CCDC13: variants seen among roughly 807,000 people sequenced by gnomAD.
CCDC13 encodes the protein coiled-coil domain containing 13.
In CCDC13, 70 loss-of-function variants were observed where a neutral mutation model predicts 87.3. That is an observed-to-expected ratio of 0.80 (90% CI 0.66 to 0.98). CCDC13 has a LOEUF of 0.98. CCDC13 is among the 50% of genes least tolerant of loss of function. The probability of loss-of-function intolerance (pLI) is 0.00; values close to 1 mark genes in which losing one functional copy is unlikely to be tolerated. For missense variants in CCDC13, 842 were observed against 892.0 expected, an observed-to-expected ratio of 0.94 and a Z score of 0.71; for synonymous variants, 317 against 360.3, an observed-to-expected ratio of 0.88 and a Z score of 1.36.
rs759377177 is a variant in CCDC13, at chr3:42,747,296, C to T, written c.681G>A (p.Gln227=). ...GCAGCTCCTGCTTCACAGACTGGAT[C>T]TGGTTTCGGAGGTCACTCATCTTCA... ...TNLKMSDLRN[Q]IQSVKQELRM... Residue 227 remains glutamine (Q), a synonymous_variant, in exon 6 of 16, where the codon CAG becomes CAA. Coordinates refer to ENST00000310232, the MANE Select transcript of CCDC13 (RefSeq NM_144719.4). The T allele has an allele frequency of 1.9e-6, 3 of 1,614,178 alleles. No individual in the cohort carries two copies. Among genetic ancestry groups the T allele is most frequent in the Non-Finnish European group, 2.5e-6 (3 of 1,180,032 alleles).
In CCDC13 at chr3:42,751,927, A is replaced by G; in HGVS notation, c.603+9T>C. On this transcript the variant is annotated intron_variant, in intron 5 of 15. Coordinates refer to ENST00000310232, the MANE Select transcript of CCDC13 (RefSeq NM_144719.4). ...TCACAGACTTCCCAGCACAGAAGAG[A>G]ATTCATACCAATGCTCTGTCTCCCA... is the stretch of plus-strand genomic sequence containing the variant. 1 of 1,610,494 alleles carries G rather than the reference A, an allele frequency of 6.2e-7. No individual in the cohort carries two copies. Among genetic ancestry groups the G allele is most frequent in the Non-Finnish European group, 8.5e-7 (1 of 1,178,640 alleles).
intron 1 of CCDC13, among the ~76,000 whole-genome samples, chr3:42,759,378 C>T (rs1243587330): frequency 6.6e-6 from 1 of 152,096 alleles, no homozygotes; most frequent in Non-Finnish European, 1.5e-5. Context: ...GTGTAAACCA[C>T]CTCCACCATC....
chr3:42,765,556 C>A lies in CCDC13; in HGVS notation c.-6-7205G>T, dbSNP rs3843369. Among the ~76,000 whole-genome samples the A allele has an allele frequency of 3.9e-5, 6 of 152,174 alleles. No homozygotes were observed. In the South Asian group the frequency reaches 1.2e-3, roughly 32 times the overall value. On this transcript the variant is annotated intron_variant, in intron 1 of 15. Coordinates refer to ENST00000310232, the MANE Select transcript of CCDC13 (RefSeq NM_144719.4). ...GAGTAGCTGGGACTACAGGCATGCA[C>A]CACTACGCCCAGCTAACATTTTTGT...
intron 10 of CCDC13, among the ~76,000 whole-genome samples, chr3:42,734,064 G>A (rs1698918489): frequency 6.6e-6 from 1 of 152,164 alleles, no homozygotes; most frequent in Non-Finnish European, 1.5e-5. Context: ...GTGAGGGCAG[G>A]CAGCCTTGGG....
At chr3:42,763,541 G>T in intron 1 of CCDC13, among the ~76,000 whole-genome samples, 1 of 141,058 alleles carries the variant, frequency 7.1e-6, no homozygotes, top group African/African-American at 2.7e-5. Context: ...GTCTCGCTCT[G>T]TCACCCAGGC....
intron 12 of CCDC13, among the ~76,000 whole-genome samples, chr3:42,730,995 C>T (rs1270794265): frequency 1.3e-5 from 2 of 152,122 alleles, no homozygotes; most frequent in African/African-American, 4.8e-5. Context: ...TCTCCCAGCC[C>T]TCCTGCATCT....
In CCDC13 at chr3:42,713,313, C is replaced by T; in HGVS notation, c.1722G>A (p.Val574=). ...CCAGGAGCTTGCTGTTGCTCTCCTC[C>T]ACCCTGGTGATTAGAGAGGAGGGGA... ...TEFVTVLQKR[V]EESNSKLLES... The change falls in exon 14 of 16, where the codon GTG becomes GTA. Residue 574 remains valine, a synonymous_variant. Coordinates refer to ENST00000310232, the MANE Select transcript of CCDC13 (RefSeq NM_144719.4). The T allele has an allele frequency of 6.2e-7, 1 of 1,613,752 alleles. No individual in the cohort carries two copies. The highest frequency in any genetic ancestry group is 8.5e-7 in the Non-Finnish European group (1 of 1,179,812).
At chr3:42,758,559 A>G (rs1254069158) in intron 1 of CCDC13, among the ~76,000 whole-genome samples, 4 of 152,184 alleles carry the variant, frequency 2.6e-5, no homozygotes, top group African/African-American at 9.7e-5. Flanking sequence ...TGAACATGCC[A>G]CCAGATTGCA....
intron 10 of CCDC13, among the ~76,000 whole-genome samples, chr3:42,735,241 C>A (rs1698969426): frequency 6.6e-6 from 1 of 152,116 alleles, no homozygotes; most frequent in African/African-American, 2.4e-5. Context: ...GCGGAGCAAG[C>A]AGGAGCTGAA....
intron 13 of CCDC13, among the ~76,000 whole-genome samples, chr3:42,723,979 C>A (rs1216818684): frequency 6.6e-6 from 1 of 151,890 alleles, no homozygotes; most frequent in African/African-American, 2.4e-5. Context: ...AATTTAAAAA[C>A]AAATAAATAT....
intron 8 of CCDC13, among the ~76,000 whole-genome samples, chr3:42,741,807 A>G (rs909718211): frequency 5.3e-5 from 8 of 152,320 alleles, no homozygotes; most frequent in Middle Eastern, 3.4e-3. Flanking sequence ...TGGCTGGCAT[A>G]CAAAGCCCAG....
intron 5 of CCDC13, among the ~76,000 whole-genome samples, chr3:42,748,396 G>A (rs377193875): frequency 2.9e-3 from 449 of 152,376 alleles, no homozygotes; most frequent in Non-Finnish European, 4.7e-3. Flanking sequence ...CCACAGGAAC[G>A]TTGGTTGTCA....
chr3:42,771,848 T>G (rs1040127095), intron 1 of CCDC13, among the ~76,000 whole-genome samples: 3 of 152,214 alleles, frequency 2.0e-5, no homozygotes, highest in African/African-American at 7.2e-5. Context: ...GTATCAATGA[T>G]AACAAATGTA....
At chr3:42,728,433 A>G (rs1237177731) in intron 13 of CCDC13, among the ~76,000 whole-genome samples, 3 of 148,642 alleles carry the variant, frequency 2.0e-5, no homozygotes, top group African/African-American at 2.5e-5. Context: ...GACTCTGCAG[A>G]TAAAGAAAGG....
At chr3:42,728,592 T>A (rs1310397509) in intron 13 of CCDC13, among the ~76,000 whole-genome samples, 1 of 152,222 alleles carries the variant, frequency 6.6e-6, no homozygotes. Flanking sequence ...TTTTTGATGA[T>A]TGGCCAATTT....
chr3:42,757,051 C>T lies in CCDC13; in HGVS notation c.370+15G>A, dbSNP rs755826970. 10 of 1,611,828 alleles carry T rather than the reference C, an allele frequency of 6.2e-6. No individual in the cohort carries two copies. In the South Asian group the frequency reaches 1.1e-4, roughly 18 times the overall value. On this transcript the variant is annotated intron_variant, in intron 3 of 15. Transcript: ENST00000310232. ...GACTGCAGGGCAAGGACTATCACAA[C>T]AATGGTGGAGCTACCTGTGAAGGCA...
chr3:42,766,184 T>C (rs1451710500), intron 1 of CCDC13, among the ~76,000 whole-genome samples: 3 of 152,012 alleles, frequency 2.0e-5, no homozygotes, highest in African/African-American at 7.3e-5. Flanking sequence ...GAGGAGCAGT[T>C]TTCCACGCTG....
chr3:42,756,633 T>G (rs1478634272), intron 3 of CCDC13, among the ~76,000 whole-genome samples: 1 of 151,832 alleles, frequency 6.6e-6, no homozygotes, highest in Non-Finnish European at 1.5e-5. Context: ...CAGGGTTCAG[T>G]GCAGTGGGGG....
chr3:42,731,756 C>A (rs1430078348), intron 12 of CCDC13, among the ~76,000 whole-genome samples: 1 of 152,174 alleles, frequency 6.6e-6, no homozygotes, highest in Non-Finnish European at 1.5e-5. Flanking sequence ...CATGCCAGCC[C>A]GAATAGACAT....
Sources: allele counts gnomAD v4.1 joint callset (sites outside exome capture counted in the v4.1 genomes callset), GRCh38; gene constraint gnomAD v4.1.1; transcripts MANE v1.5; gene names NCBI Gene and HGNC (gene_info 2026-07-23, HGNC 2026-07-21).